The following CTNND2 variants were observed in gnomAD, a reference collection of about 807,000 sequenced individuals.
The protein encoded by CTNND2 is catenin delta 2, also known as catenin delta-2.
CTNND2 carries 22 observed loss-of-function variants against 144.4 expected under a neutral mutation model. The observed-to-expected ratio is 0.15, with a 90% CI of 0.11 to 0.22. CTNND2 has a LOEUF of 0.22. Among genes scored for constraint, CTNND2 ranks in the 10% least tolerant of loss-of-function variants. CTNND2 has a pLI of 1.00. For synonymous variants in CTNND2, 751 were observed against 695.6 expected (o/e 1.08, Z -1.25); for missense variants, 1,353 against 1,618.8 (o/e 0.84, Z 2.82).
Position 11,054,104 on chromosome 5 carries a change from A to G in CTNND2, c.2788+28592T>C, listed in dbSNP as rs149784394. Among the ~76,000 whole-genome samples, 324 of 152,238 alleles carry G rather than the reference A, an allele frequency of 2.1e-3. 2 individuals are homozygous for G. The highest frequency in any genetic ancestry group is 7.1e-3 in the African/African-American group (297 of 41,556). ...TTTCACAGAACAGAGGTGCTGAAAAACCTTTGCTTGGGAGCCTCCAAGGAA... is the reference window on the plus strand; with the variant it reads ...TTTCACAGAACAGAGGTGCTGAAAAGCCTTTGCTTGGGAGCCTCCAAGGAA... On this transcript the variant is annotated intron_variant, in intron 16 of 21. Transcript: ENST00000304623.
intron 12 of CTNND2, among the ~76,000 whole-genome samples, chr5:11,119,721 A>C (rs1434652585): frequency 6.6e-6 from 1 of 152,234 alleles, no homozygotes; most frequent in Admixed American, 6.5e-5. Context: ...TTTGCATGGC[A>C]ATGTGTGATT....
At chr5:11,775,307 T>C (rs984409957) in intron 1 of CTNND2, among the ~76,000 whole-genome samples, 1 of 152,204 alleles carries the variant, frequency 6.6e-6, no homozygotes, top group Non-Finnish European at 1.5e-5. Context: ...CTGCCACATA[T>C]TAGCTACAGG....
chr5:11,258,478 A>C (rs1744511819), intron 9 of CTNND2, among the ~76,000 whole-genome samples: 1 of 152,252 alleles, frequency 6.6e-6, no homozygotes, highest in African/African-American at 2.4e-5. Context: ...ACACAGAAAC[A>C]CCTTACAAAA....
intron 16 of CTNND2, among the ~76,000 whole-genome samples, chr5:11,030,633 C>G (rs1743342750): frequency 6.6e-6 from 1 of 151,766 alleles, no homozygotes; most frequent in Admixed American, 6.6e-5. Flanking sequence ...ATTTTGTTCA[C>G]ACATCATGTT....
intron 18 of CTNND2, among the ~76,000 whole-genome samples, chr5:10,994,151 C>CA (rs1739017926): frequency 7.4e-6 from 1 of 134,800 alleles, no homozygotes. Context: ...ACACAAGTTA[C>CA]AAAAAACATA....
chr5:11,477,039 A>G (rs182664729), intron 3 of CTNND2, among the ~76,000 whole-genome samples: 6 of 152,292 alleles, frequency 3.9e-5, no homozygotes, highest in African/African-American at 7.2e-5. Flanking sequence ...TCTCAGTCAC[A>G]TTTTTCTGAG....
At chr5:11,150,311 G>T (rs540735299) in intron 12 of CTNND2, among the ~76,000 whole-genome samples, 1 of 152,236 alleles carries the variant, frequency 6.6e-6, no homozygotes, top group South Asian at 2.1e-4. Context: ...GAGTAAATCC[G>T]GTGGACTTCT....
chr5:11,872,634 GTGA>G (rs1235085163), intron 1 of CTNND2, among the ~76,000 whole-genome samples: 3 of 151,824 alleles, frequency 2.0e-5, no homozygotes, highest in African/African-American at 7.2e-5. Context: ...CAAATGACCA[GTGA>G]TGATGAGCTT....
At chr5:11,827,231 A>T (rs1793651329) in intron 1 of CTNND2, among the ~76,000 whole-genome samples, 1 of 152,202 alleles carries the variant, frequency 6.6e-6, no homozygotes, top group African/African-American at 2.4e-5. Context: ...AATTCATGGG[A>T]TGTCAAAGAA....
rs183073743 is a variant in CTNND2, at chr5:11,708,965, T to G, written c.174+23171A>C. Among the ~76,000 whole-genome samples, 688 of 152,298 alleles carry G rather than the reference T, an allele frequency of 4.5e-3. 2 individuals carry two copies. Among genetic ancestry groups the G allele is most frequent in the South Asian group, 0.021 (102 of 4,818 alleles). On this transcript the variant is annotated intron_variant, in intron 2 of 21. Coordinates refer to ENST00000304623, the MANE Select transcript of CTNND2 (RefSeq NM_001332.4). Reference sequence around the variant, plus strand: ...TCACCTAACATAGTGCCTTTGAGATTCGCACAAATTGTCACATGCATCAGT... The same window carrying G: ...TCACCTAACATAGTGCCTTTGAGATGCGCACAAATTGTCACATGCATCAGT...
chr5:11,635,160 G>A (rs953058144), intron 2 of CTNND2, among the ~76,000 whole-genome samples: 6 of 152,050 alleles, frequency 3.9e-5, no homozygotes, highest in African/African-American at 1.4e-4. Context: ...AGAACATGGG[G>A]CAGTGCAAAG....
intron 11 of CTNND2, among the ~76,000 whole-genome samples, chr5:11,166,009 G>A (rs1277525255): frequency 3.3e-5 from 5 of 152,114 alleles, no homozygotes; most frequent in South Asian, 2.1e-4. Context: ...CTCTTTAGAC[G>A]TAGCATGAAT....
chr5:11,485,966 C>A (rs1162772116), intron 3 of CTNND2, among the ~76,000 whole-genome samples: 1 of 151,966 alleles, frequency 6.6e-6, no homozygotes, highest in Non-Finnish European at 1.5e-5. Flanking sequence ...GGAGACTGAA[C>A]AATTTTTGCA....
At chr5:11,149,237 G>A (rs1227172572) in intron 12 of CTNND2, among the ~76,000 whole-genome samples, 1 of 152,172 alleles carries the variant, frequency 6.6e-6, no homozygotes, top group Non-Finnish European at 1.5e-5. Flanking sequence ...AAATAGCTCC[G>A]TGAGCAGTCA....
intron 10 of CTNND2, among the ~76,000 whole-genome samples, chr5:11,206,899 ACTCT>A (rs372520234): frequency 6.7e-6 from 1 of 149,806 alleles, no homozygotes; most frequent in Non-Finnish European, 1.5e-5. Flanking sequence ...ACTTACACTT[ACTCT>A]CTCTCTCTCT....
chr5:11,740,007 G>A (rs1224379484), intron 1 of CTNND2, among the ~76,000 whole-genome samples: 1 of 152,132 alleles, frequency 6.6e-6, no homozygotes, highest in African/African-American at 2.4e-5. Context: ...TCTTCAAGGA[G>A]AACTAAAAAC....
chr5:11,042,118 G>T (rs1176811013), intron 16 of CTNND2, among the ~76,000 whole-genome samples: 1 of 152,152 alleles, frequency 6.6e-6, no homozygotes, highest in Non-Finnish European at 1.5e-5. Flanking sequence ...GTGGGGGTCT[G>T]AGGACTCAGT....
chr5:11,152,236 AATG>A (rs1757807337), intron 12 of CTNND2, among the ~76,000 whole-genome samples: 1 of 152,242 alleles, frequency 6.6e-6, no homozygotes, highest in South Asian at 2.1e-4. Context: ...GTCTTATCTT[AATG>A]ATATTATGCA....
chr5:11,860,357 T>C (rs2127023730), intron 1 of CTNND2, among the ~76,000 whole-genome samples: 1 of 152,330 alleles, frequency 6.6e-6, no homozygotes, highest in East Asian at 1.9e-4. Flanking sequence ...AATGCTGTTG[T>C]TTTAATAATA....
Sources: gnomAD v4.1 joint callset for allele counts (sites outside exome capture counted in the v4.1 genomes callset) on GRCh38, gnomAD v4.1.1 for gene constraint, MANE v1.5 for transcripts, NCBI Gene and HGNC (gene_info 2026-07-23, HGNC 2026-07-21) for gene names.